Variants in PDZD2 observed in about 807,000 individuals in gnomAD.
PDZD2 encodes PDZ domain containing 2.
A neutral mutation model predicts 220.7 loss-of-function variants in PDZD2; 90 were observed. The ratio of observed to expected loss-of-function variants is 0.41; its 90% CI spans 0.34 to 0.49. The LOEUF is 0.49. Ranked by LOEUF, PDZD2 falls within the 20% of genes least tolerant of loss-of-function variation. The probability of loss-of-function intolerance (pLI) is 0.28; values close to 1 mark genes in which losing one functional copy is unlikely to be tolerated. For missense variants in PDZD2, 3,174 were observed against 3,608.5 expected (o/e 0.88, Z 3.08); for synonymous variants, 1,375 against 1,450.5 (o/e 0.95, Z 1.18).
chr5:32,063,157 G>A (rs974735188), intron 14 of PDZD2, among the ~76,000 whole-genome samples: 2 of 151,734 alleles, frequency 1.3e-5, no homozygotes, highest in African/African-American at 4.8e-5. Context: ...TGATTCTCCC[G>A]CCTCAGCCTT....
At chr5:32,027,590 T>C (rs1335622005) in intron 6 of PDZD2, among the ~76,000 whole-genome samples, 1 of 152,186 alleles carries the variant, frequency 6.6e-6, no homozygotes, top group Non-Finnish European at 1.5e-5. Flanking sequence ...TATGCACACA[T>C]GCCCGGCGTG....
chr5:32,073,869 C>T lies in PDZD2; in HGVS notation c.2763C>T (p.Leu921=), dbSNP rs757662594. 2.0e-5 allele frequency: 33 copies of T among 1,613,588 alleles called. No homozygotes were observed. Among genetic ancestry groups the T allele is most frequent in the Non-Finnish European group, 2.3e-5 (27 of 1,179,832 alleles). The change falls in exon 18 of 25, where the codon CTC becomes CTT. Residue 921 remains leucine, a synonymous_variant. Transcript: ENST00000438447. The part of the protein sequence containing the change: ...KEPGKPRANS[L]VTLGSHRASG... ...CTGGAAAACCCAGAGCCAACAGCCTCGTGACTCTTGGGAGCCATCGGGCTT... is the reference window on the plus strand; with the variant it reads ...CTGGAAAACCCAGAGCCAACAGCCTTGTGACTCTTGGGAGCCATCGGGCTT...
At chr5:31,875,413 G>A (rs1339742928) in intron 2 of PDZD2, among the ~76,000 whole-genome samples, 1 of 151,762 alleles carries the variant, frequency 6.6e-6, no homozygotes, top group African/African-American at 2.4e-5. Context: ...GCGAAACCCT[G>A]TCTCTACTAA....
chr5:31,724,859 G>A (rs1289870618), intron 1 of PDZD2, among the ~76,000 whole-genome samples: 1 of 152,018 alleles, frequency 6.6e-6, no homozygotes, highest in African/African-American at 2.4e-5. Flanking sequence ...CTAGGTTAGC[G>A]GTTCTACCAA....
rs1284559355 is a variant in PDZD2, at chr5:32,107,949, T to C, written c.8354-20T>C. ...TATGAAACTGCCAAGCTATTAATTA[T>C]TCTGTGTTTATTCTCGTAGGTGGTG... is the stretch of plus-strand genomic sequence containing the variant. On this transcript the variant is annotated intron_variant, in intron 24 of 24. Coordinates refer to ENST00000438447, the MANE Select transcript of PDZD2 (RefSeq NM_178140.4). The C allele has an allele frequency of 6.3e-7, 1 of 1,583,892 alleles. No individual in the cohort carries two copies. The highest frequency in any genetic ancestry group is 2.2e-5 in the East Asian group (1 of 44,558).
At chr5:31,945,681 G>A (rs929447230) in intron 2 of PDZD2, among the ~76,000 whole-genome samples, 8 of 151,366 alleles carry the variant, frequency 5.3e-5, no homozygotes, top group African/African-American at 1.9e-4. Flanking sequence ...GTGTTCTGCC[G>A]CAGCTTTCAT....
chr5:31,874,442 T>G (rs1450548371), intron 2 of PDZD2, among the ~76,000 whole-genome samples: 1 of 152,128 alleles, frequency 6.6e-6, no homozygotes, highest in Non-Finnish European at 1.5e-5. Context: ...ACATATGCAT[T>G]TTTAGAATTC....
At chr5:31,748,254 CTGT>C (rs1157219109) in intron 1 of PDZD2, among the ~76,000 whole-genome samples, 1 of 152,110 alleles carries the variant, frequency 6.6e-6, no homozygotes, top group Admixed American at 6.6e-5. Flanking sequence ...TTTTGTTTTG[CTGT>C]TGTTGTCACA....
At chr5:31,759,452 G>T (rs1751499181) in intron 1 of PDZD2, among the ~76,000 whole-genome samples, 1 of 152,068 alleles carries the variant, frequency 6.6e-6, no homozygotes, top group Non-Finnish European at 1.5e-5. Flanking sequence ...ATTGTTAGGT[G>T]ATTCTCCAAA....
intron 2 of PDZD2, chr5:31,823,043 C>G: frequency 8.7e-7 from 1 of 1,150,886 alleles, no homozygotes; most frequent in Non-Finnish European, 1.2e-6. Flanking sequence ...CGCAGGGTTC[C>G]TCTGGGGCCC....
intron 1 of PDZD2, among the ~76,000 whole-genome samples, chr5:31,727,181 G>A: frequency 6.6e-6 from 1 of 152,186 alleles, no homozygotes. Context: ...ATTTTAATAT[G>A]AGATTTCAGC....
At chr5:31,736,554 G>T (rs187152352) in intron 1 of PDZD2, among the ~76,000 whole-genome samples, 7 of 152,332 alleles carry the variant, frequency 4.6e-5, no homozygotes, top group African/African-American at 1.7e-4. Flanking sequence ...TATGCAGATG[G>T]AACTACATAT....
intron 2 of PDZD2, among the ~76,000 whole-genome samples, chr5:31,901,115 G>C (rs943784950): frequency 6.6e-6 from 1 of 152,060 alleles, no homozygotes; most frequent in Non-Finnish European, 1.5e-5. Context: ...TAGGCTAACA[G>C]CTATAAAAAC....
chr5:31,949,052 G>A (rs1249535825), intron 2 of PDZD2, among the ~76,000 whole-genome samples: 1 of 143,040 alleles, frequency 7.0e-6, no homozygotes, highest in Non-Finnish European at 1.5e-5. Context: ...GAGCTGAGAT[G>A]GAGCCACTGC....
intron 1 of PDZD2, among the ~76,000 whole-genome samples, chr5:31,665,942 C>T (rs977280852): frequency 2.6e-5 from 4 of 152,228 alleles, no homozygotes; most frequent in East Asian, 1.9e-4. Flanking sequence ...GAAGTGAGGA[C>T]GGGACCTCAT....
chr5:31,654,049 G>C (rs1745453054), intron 1 of PDZD2, among the ~76,000 whole-genome samples: 1 of 152,212 alleles, frequency 6.6e-6, no homozygotes, highest in Non-Finnish European at 1.5e-5. Flanking sequence ...CTCCCAAAGT[G>C]CTGGGATTAC....
chr5:32,090,619 A>C lies in PDZD2; in HGVS notation c.7171A>C (p.Arg2391=). The change falls in exon 20 of 25, where the codon AGG becomes CGG. Residue 2391 remains arginine, a synonymous_variant. Coordinates refer to ENST00000438447, the MANE Select transcript of PDZD2 (RefSeq NM_178140.4). The surrounding 1 kb of genome is among the most constrained non-coding windows in gnomAD (Gnocchi z 4.3). The part of the protein sequence containing the change: ...SLGHPGDAAA[R]LLRRSLSSCS... Reference sequence around the variant, plus strand: ...GGGCCACCCAGGTGACGCAGCAGCAAGGTTGTTGAGACGCAGCTTGAGTTC... The same window carrying C: ...GGGCCACCCAGGTGACGCAGCAGCACGGTTGTTGAGACGCAGCTTGAGTTC... 6.2e-7 allele frequency: 1 copy of C among 1,614,120 alleles called. No homozygotes were observed. Among genetic ancestry groups the C allele is most frequent in the South Asian group, 1.1e-5 (1 of 91,076 alleles).
chr5:31,870,876 G>C (rs141343379), intron 2 of PDZD2, among the ~76,000 whole-genome samples: 1 of 145,090 alleles, frequency 6.9e-6, no homozygotes, highest in African/African-American at 2.6e-5. Flanking sequence ...GCGACAGATC[G>C]AGACTCTGTC....
At chr5:31,872,784 ATGTG>A (rs1375229635) in intron 2 of PDZD2, among the ~76,000 whole-genome samples, 2 of 150,888 alleles carry the variant, frequency 1.3e-5, no homozygotes, top group Non-Finnish European at 1.5e-5. Flanking sequence ...ACGTGTGTGT[ATGTG>A]TGTGTGTACA....
Sources: gnomAD v4.1 joint callset for allele counts (sites outside exome capture counted in the v4.1 genomes callset) on GRCh38, gnomAD v4.1.1 for gene constraint, Gnocchi (gnomAD v3.1) non-coding constraint, MANE v1.5 for transcripts, NCBI Gene and HGNC (gene_info 2026-07-23, HGNC 2026-07-21) for gene names.